Variants in NMNAT2 observed in about 807,000 individuals in gnomAD.
NMNAT2 encodes the protein nicotinamide nucleotide adenylyltransferase 2.
Under a neutral mutation model 41.6 loss-of-function variants are expected in NMNAT2, and 11 were observed. The ratio of observed to expected loss-of-function variants is 0.26; its 90% CI spans 0.17 to 0.44. The LOEUF (loss-of-function observed/expected upper bound fraction) is 0.44. NMNAT2 is among the 20% of genes least tolerant of loss of function. NMNAT2 has a pLI of 1.00. For missense variants in NMNAT2, 288 were observed against 407.7 expected (o/e 0.71, Z 2.53); for synonymous variants, 148 against 151.2 (o/e 0.98, Z 0.16).
At chr1:183,278,221 A>AT (rs1375382485) in intron 8 of NMNAT2, among the ~76,000 whole-genome samples, 5 of 152,170 alleles carry the variant, frequency 3.3e-5, no homozygotes, top group Non-Finnish European at 7.4e-5. Context: ...AAAACACACA[A>AT]TAATCTTAAA....
At chr1:183,315,775 G>T (rs1662234357) in intron 1 of NMNAT2, among the ~76,000 whole-genome samples, 1 of 99,276 alleles carries the variant, frequency 1.0e-5, no homozygotes, top group Non-Finnish European at 2.0e-5. Context: ...AGCAGACTCC[G>T]TGTAAAAAAA....
At chr1:183,364,655 A>ATTTCTTTCTTTCTTTCTTTCTTTCTTC (rs369286067) in intron 1 of NMNAT2, among the ~76,000 whole-genome samples, 1 of 142,976 alleles carries the variant, frequency 7.0e-6, no homozygotes, top group Non-Finnish European at 1.6e-5. Context: ...GGGGAGGATG[A>ATTTCTTTCTTTCTTTCTTTCTTTCTTC]TTTCTTTCTT....
chr1:183,260,484 G>A (rs1660628226), intron 10 of NMNAT2, among the ~76,000 whole-genome samples: 1 of 123,168 alleles, frequency 8.1e-6, no homozygotes, highest in South Asian at 2.6e-4. Context: ...CCCCTTTAAA[G>A]CATCTAAGAC....
intron 1 of NMNAT2, among the ~76,000 whole-genome samples, chr1:183,371,563 G>C (rs892833967): frequency 2.6e-5 from 4 of 152,170 alleles, no homozygotes; most frequent in Non-Finnish European, 5.9e-5. Context: ...ATGTGTGAAG[G>C]GGGGAGTCTG....
intron 1 of NMNAT2, among the ~76,000 whole-genome samples, chr1:183,385,774 A>G (rs1648224916): frequency 6.6e-6 from 1 of 152,202 alleles, no homozygotes; most frequent in South Asian, 2.1e-4. Flanking sequence ...ATATGGCATC[A>G]TTTGAAATTT....
chr1:183,268,534 T>G (rs1158995683), intron 8 of NMNAT2, among the ~76,000 whole-genome samples: 4 of 152,218 alleles, frequency 2.6e-5, no homozygotes, highest in African/African-American at 9.7e-5. Context: ...AAAGTTTGGG[T>G]CATATCCCAT....
chr1:183,372,139 C>T (rs1663558147), intron 1 of NMNAT2, among the ~76,000 whole-genome samples: 1 of 152,188 alleles, frequency 6.6e-6, no homozygotes, highest in African/African-American at 2.4e-5. Context: ...CCTACGTCCA[C>T]TCTTCTGGAA....
rs374218111 is a variant in NMNAT2 at position 183,252,631 on chromosome 1, C to A, written c.*10G>T. 7.5e-6 allele frequency: 12 copies of A among 1,599,256 alleles called. No homozygotes were observed. The highest frequency in any genetic ancestry group is 1.0e-5 in the Non-Finnish European group (12 of 1,166,564). ...GAGGGGCCATTGTGTTGCCGGAGGACGAGGGGCTGCTAGCCGGAGGCATTG... is the reference window on the plus strand; with the variant it reads ...GAGGGGCCATTGTGTTGCCGGAGGAAGAGGGGCTGCTAGCCGGAGGCATTG... On this transcript the variant is annotated 3_prime_UTR_variant, in exon 11 of 11. Coordinates refer to ENST00000287713, the MANE Select transcript of NMNAT2 (RefSeq NM_015039.4).
At chr1:183,277,923 A>C (rs1239379087) in intron 8 of NMNAT2, among the ~76,000 whole-genome samples, 1 of 152,194 alleles carries the variant, frequency 6.6e-6, no homozygotes, top group Admixed American at 6.5e-5. Flanking sequence ...AGCTCAGGCT[A>C]CCAGATGAAT....
At chr1:183,268,115 A>G (rs1000232092) in intron 8 of NMNAT2, among the ~76,000 whole-genome samples, 2 of 152,102 alleles carry the variant, frequency 1.3e-5, no homozygotes, top group African/African-American at 4.8e-5. Flanking sequence ...GCTTCCCCAA[A>G]TGTGGGGAAT....
intron 1 of NMNAT2, among the ~76,000 whole-genome samples, chr1:183,295,952 G>T (rs147100338): frequency 6.6e-6 from 1 of 152,098 alleles, no homozygotes; most frequent in Admixed American, 6.5e-5. Flanking sequence ...GGGCTTAAGC[G>T]ATTCTCCTGC....
At chr1:183,293,000 T>C in intron 2 of NMNAT2, 143 bp from the exon 3 acceptor site, 1 of 772,274 alleles carries the variant, frequency 1.3e-6, no homozygotes, top group Non-Finnish European at 2.2e-6. Flanking sequence ...CCTTTACTTG[T>C]CCGTTTGCCA....
At chr1:183,260,567 C>T (rs570903917) in intron 10 of NMNAT2, among the ~76,000 whole-genome samples, 2 of 152,276 alleles carry the variant, frequency 1.3e-5, no homozygotes, top group African/African-American at 4.8e-5. Context: ...CCTGTATTCT[C>T]AGCACTTTGG....
At chr1:183,342,152 A>G (rs910644545) in intron 1 of NMNAT2, among the ~76,000 whole-genome samples, 14 of 151,560 alleles carry the variant, frequency 9.2e-5, no homozygotes, top group African/African-American at 3.4e-4. Context: ...AAGTCTCCAT[A>G]GTGCTGGCTG....
chr1:183,341,951 T>C (rs1662826536), intron 1 of NMNAT2, among the ~76,000 whole-genome samples: 1 of 151,822 alleles, frequency 6.6e-6, no homozygotes, highest in African/African-American at 2.4e-5. Flanking sequence ...GAATCCCACC[T>C]ATGAATTGAG....
intron 6 of NMNAT2, 151 bp downstream of exon 6, chr1:183,284,559 T>TG (rs1380350893): frequency 1.3e-5 from 9 of 709,804 alleles, no homozygotes; most frequent in South Asian, 4.8e-5. Flanking sequence ...AACGCCTGTG[T>TG]GGGGGGATAC....
intron 1 of NMNAT2, among the ~76,000 whole-genome samples, chr1:183,308,239 A>G (rs1337227435): frequency 1.3e-5 from 2 of 152,188 alleles, no homozygotes; most frequent in African/African-American, 4.8e-5. Context: ...GGCCTTTAGG[A>G]TTCTGATGTG....
chr1:183,252,224 G>A lies in NMNAT2; in HGVS notation c.*417C>T, dbSNP rs1017861768. 4.7e-5 allele frequency: 8 copies of A among 170,808 alleles called. No individual in the cohort carries two copies. Among genetic ancestry groups the A allele is most frequent in the African/African-American group, 1.2e-4 (5 of 41,960 alleles). 10.6% of individuals were successfully genotyped at this position (170,808 alleles called of 1,614,324 possible). On this transcript the variant is annotated 3_prime_UTR_variant, in exon 11 of 11. Coordinates refer to ENST00000287713, the MANE Select transcript of NMNAT2 (RefSeq NM_015039.4). ...TGCTGGGAAGGCAAGAGCCAGAGCC[G>A]CCTCCCCAGAGCATGCTGGGAGGAG... is the stretch of plus-strand genomic sequence containing the variant.
intron 1 of NMNAT2, among the ~76,000 whole-genome samples, chr1:183,353,635 A>G (rs1018237226): frequency 6.6e-6 from 1 of 152,144 alleles, no homozygotes; most frequent in Non-Finnish European, 1.5e-5. Flanking sequence ...CCAGGACCCA[A>G]ATCATCACAA....
Sources: gnomAD v4.1 joint callset for allele counts (sites outside exome capture counted in the v4.1 genomes callset) on GRCh38, gnomAD v4.1.1 for gene constraint, MANE v1.5 for transcripts, NCBI Gene and HGNC (gene_info 2026-07-23, HGNC 2026-07-21) for gene names.